DENND5B: variants seen among roughly 807,000 people sequenced by gnomAD.
The protein encoded by DENND5B is DENN domain-containing protein 5B.
A neutral mutation model predicts 140.6 loss-of-function variants in DENND5B; 34 were observed. The observed-to-expected ratio is 0.24, with a 90% CI of 0.18 to 0.32. The LOEUF (loss-of-function observed/expected upper bound fraction) is 0.32, where lower values mean the gene tolerates loss of function less well. Among genes scored for constraint, DENND5B ranks in the 10% least tolerant of loss-of-function variants. DENND5B has a pLI of 1.00. For synonymous variants in DENND5B, 551 were observed against 562.1 expected (o/e 0.98, Z 0.28); for missense variants, 1,142 against 1,560.2 (o/e 0.73, Z 4.52).
At chr12:31,455,371 C>T (rs1177357454) in intron 4 of DENND5B, among the ~76,000 whole-genome samples, 1 of 152,162 alleles carries the variant, frequency 6.6e-6, no homozygotes, top group Admixed American at 6.5e-5. Flanking sequence ...ACCATAGCTA[C>T]TGGTCTGTCT....
At chr12:31,491,779 T>C (rs80327839) in intron 2 of DENND5B, among the ~76,000 whole-genome samples, 2,564 of 152,358 alleles carry the variant, frequency 0.017, 74 homozygotes, top group African/African-American at 0.058. Context: ...TCTATTTTAT[T>C]TGCACTGTAC....
chr12:31,471,601 C>T (rs1397158940), intron 3 of DENND5B, among the ~76,000 whole-genome samples: 3 of 151,634 alleles, frequency 2.0e-5, no homozygotes, highest in African/African-American at 4.8e-5. Flanking sequence ...TCTTGAACTC[C>T]TGCCCTCAAC....
chr12:31,576,622 C>T (rs1391300021), intron 1 of DENND5B, among the ~76,000 whole-genome samples: 1 of 152,116 alleles, frequency 6.6e-6, no homozygotes, highest in Non-Finnish European at 1.5e-5. Context: ...GTGGCTCACA[C>T]CTATAATCCC....
intron 1 of DENND5B, among the ~76,000 whole-genome samples, chr12:31,582,180 GATTA>G (rs988543831): frequency 6.6e-6 from 1 of 152,154 alleles, no homozygotes; most frequent in Non-Finnish European, 1.5e-5. Flanking sequence ...TGACATTTAG[GATTA>G]ATTTTTTTTT....
chr12:31,494,716 A>G (rs913896634), intron 2 of DENND5B, among the ~76,000 whole-genome samples: 2 of 152,124 alleles, frequency 1.3e-5, no homozygotes, highest in African/African-American at 4.8e-5. Flanking sequence ...TGTAGGGTGT[A>G]ACTTTGCTTC....
At chr12:31,425,013 T>G (rs1238161721) in intron 9 of DENND5B, among the ~76,000 whole-genome samples, 2 of 152,128 alleles carry the variant, frequency 1.3e-5, no homozygotes, top group African/African-American at 2.4e-5. Flanking sequence ...ACAGCAGACT[T>G]AGAAAATGTA....
At chr12:31,527,202 G>C (rs1948114836) in intron 1 of DENND5B, among the ~76,000 whole-genome samples, 3 of 152,234 alleles carry the variant, frequency 2.0e-5, no homozygotes, top group Admixed American at 1.3e-4. Context: ...AGGACTCACT[G>C]ACACAGGGCA....
At chr12:31,419,391 C>T (rs1481691396) in intron 11 of DENND5B, among the ~76,000 whole-genome samples, 1 of 150,426 alleles carries the variant, frequency 6.6e-6, no homozygotes, top group Non-Finnish European at 1.5e-5. Context: ...TGCAGTGGGC[C>T]GAAATCATGC....
At chr12:31,463,518 A>T (rs1333180628) in intron 3 of DENND5B, among the ~76,000 whole-genome samples, 1 of 152,234 alleles carries the variant, frequency 6.6e-6, no homozygotes, top group African/African-American at 2.4e-5. Flanking sequence ...TGATGGGATA[A>T]GAATATATAT....
At chr12:31,442,956 C>T (rs1944103409) in intron 6 of DENND5B, 31 bp from the exon 7 acceptor site, 6 of 1,536,472 alleles carry the variant, frequency 3.9e-6, no homozygotes, top group Admixed American at 2.0e-5. Flanking sequence ...AAATTAGAGA[C>T]ATTTCATTGC....
intron 14 of DENND5B, among the ~76,000 whole-genome samples, chr12:31,404,743 C>G (rs186900152): frequency 6.9e-6 from 1 of 144,414 alleles, no homozygotes; most frequent in African/African-American, 2.6e-5. Context: ...CATAAGCCAC[C>G]GCGTCCGACC....
chr12:31,491,638 A>C (rs755558653), intron 2 of DENND5B, among the ~76,000 whole-genome samples: 4 of 152,204 alleles, frequency 2.6e-5, no homozygotes, highest in Non-Finnish European at 5.9e-5. Flanking sequence ...TGATTAATAC[A>C]TACATTGACT....
At chr12:31,419,329 A>G (rs899681026) in intron 11 of DENND5B, among the ~76,000 whole-genome samples, 1 of 152,174 alleles carries the variant, frequency 6.6e-6, no homozygotes, top group Non-Finnish European at 1.5e-5. Flanking sequence ...CATGCCTGTA[A>G]TTCCAGTTAC....
rs1002622963 is a variant in DENND5B, at chr12:31,447,655, T to C, written c.1744A>G (p.Lys582Glu). The C allele has an allele frequency of 6.2e-7, 1 of 1,613,788 alleles. No homozygotes were observed. The highest frequency in any genetic ancestry group is 8.5e-7 in the Non-Finnish European group (1 of 1,179,856). ...DNKIMSQWEE[K>E]DPLLRVFDTR... is the part of the protein sequence containing the mutation. ...TCAAAGACCCGAAGCAAAGGATCTTTCTCTTCCCACTGAGACATAATTTTA... is the reference window on the plus strand; with the variant it reads ...TCAAAGACCCGAAGCAAAGGATCTTCCTCTTCCCACTGAGACATAATTTTA... The change falls in exon 6 of 21, where the codon AAA becomes GAA. Residue 582 changes from lysine (K) to glutamate (E), a missense_variant. Lys to Glu is a moderately conservative substitution (Grantham distance 56). Around this residue, in one of 5 missense-constraint regions of DENND5B, gnomAD observed 708 missense variants for 905.5 expected, o/e 0.78. Coordinates refer to ENST00000389082, the MANE Select transcript of DENND5B (RefSeq NM_144973.4).
intron 1 of DENND5B, chr12:31,499,750 GA>G: frequency 2.5e-6 from 3 of 1,180,784 alleles, no homozygotes; most frequent in Middle Eastern, 2.6e-4. Flanking sequence ...TTGAAGAATG[GA>G]AAATGAGAAT....
At chr12:31,507,183 T>C (rs1423670241) in intron 1 of DENND5B, among the ~76,000 whole-genome samples, 3 of 142,400 alleles carry the variant, frequency 2.1e-5, no homozygotes, top group Non-Finnish European at 4.6e-5. Flanking sequence ...GACAAATTCC[T>C]TTTTTTTTTT....
intron 8 of DENND5B, among the ~76,000 whole-genome samples, chr12:31,426,994 T>A (rs1365142959): frequency 6.6e-6 from 1 of 152,188 alleles, no homozygotes; most frequent in African/African-American, 2.4e-5. Context: ...TTTGTGCATC[T>A]CAGCTTGTTA....
chr12:31,430,900 C>T (rs1943480557), intron 8 of DENND5B, among the ~76,000 whole-genome samples: 1 of 152,112 alleles, frequency 6.6e-6, no homozygotes, highest in East Asian at 1.9e-4. Flanking sequence ...AGAAAGGATA[C>T]AGGGGGCGGC....
At chr12:31,574,431 A>C (rs567333493) in intron 1 of DENND5B, among the ~76,000 whole-genome samples, 4 of 151,884 alleles carry the variant, frequency 2.6e-5, no homozygotes, top group Middle Eastern at 3.4e-3. Context: ...CTCTACTAAA[A>C]ATACAAAAGT....
Sources: allele counts gnomAD v4.1 joint callset (sites outside exome capture counted in the v4.1 genomes callset), GRCh38; gene constraint gnomAD v4.1.1; regional missense constraint gnomAD v4.1.1; transcripts MANE v1.5; gene names NCBI Gene and HGNC (gene_info 2026-07-23, HGNC 2026-07-21).